Variants in IGF2BP1 observed in about 807,000 individuals in gnomAD.
IGF2BP1 encodes insulin like growth factor 2 mRNA binding protein 1.
In IGF2BP1, 11 loss-of-function variants were observed where a neutral mutation model predicts 74.9. That is an observed-to-expected ratio of 0.15 (90% CI 0.09 to 0.24). IGF2BP1 has a LOEUF of 0.24. IGF2BP1 is among the 10% of genes least tolerant of loss of function. IGF2BP1 has a pLI of 1.00. For synonymous variants in IGF2BP1, 287 were observed against 281.8 expected, an observed-to-expected ratio of 1.02 and a Z score of -0.18; for missense variants, 440 against 757.4, an observed-to-expected ratio of 0.58 and a Z score of 4.92.
chr17:49,005,291 G>A (rs1482573171), intron 2 of IGF2BP1, among the ~76,000 whole-genome samples: 2 of 152,214 alleles, frequency 1.3e-5, no homozygotes, highest in East Asian at 3.8e-4. Flanking sequence ...ACACTGAAAT[G>A]TAACTGTGTG....
chr17:49,005,439 T>A (rs1338262324), intron 2 of IGF2BP1, among the ~76,000 whole-genome samples: 1 of 152,112 alleles, frequency 6.6e-6, no homozygotes, highest in Admixed American at 6.5e-5. Flanking sequence ...AAGTTTTGAG[T>A]GGATTGTGCA....
intron 2 of IGF2BP1, among the ~76,000 whole-genome samples, chr17:49,023,527 A>T (rs915885115): frequency 6.6e-6 from 1 of 152,200 alleles, no homozygotes; most frequent in Non-Finnish European, 1.5e-5. Context: ...ACACTTTTAC[A>T]ACTAGAGCTT....
intron 2 of IGF2BP1, among the ~76,000 whole-genome samples, chr17:49,020,905 G>A (rs1222975089): frequency 1.3e-5 from 2 of 151,076 alleles, no homozygotes; most frequent in Non-Finnish European, 2.9e-5. Context: ...TGGGAGGATC[G>A]CTTGAGGACA....
chr17:49,046,681 G>A (rs1052264890), intron 14 of IGF2BP1, among the ~76,000 whole-genome samples: 2 of 149,700 alleles, frequency 1.3e-5, no homozygotes, highest in Non-Finnish European at 3.0e-5. Context: ...ATATATATAT[G>A]TTCTACGTTA....
intron 5 of IGF2BP1, among the ~76,000 whole-genome samples, chr17:49,034,751 A>AC (rs2041965714): frequency 8.3e-6 from 1 of 120,968 alleles, no homozygotes; most frequent in African/African-American, 3.9e-5. Flanking sequence ...AAAACACAAA[A>AC]AAAACAAAAA....
At chr17:49,001,024 A>G (rs2041482843) in intron 2 of IGF2BP1, among the ~76,000 whole-genome samples, 1 of 151,984 alleles carries the variant, frequency 6.6e-6, no homozygotes, top group Admixed American at 6.6e-5. Flanking sequence ...TTTAGCCCAA[A>G]CATTGAGTCA....
rs189209452 is a variant in IGF2BP1 at position 49,030,877 on chromosome 17, C to T, written c.338-1033C>T. Among the ~76,000 whole-genome samples the T allele has an allele frequency of 2.0e-5, 3 of 152,246 alleles. No homozygotes were observed. In the East Asian group the frequency reaches 5.8e-4, roughly 29 times the overall value. ...CTCCTGACCTCAGGTGATCTACCCG[C>T]CTTGGCCTCCCAAAGTGCTGGGGAT... is the stretch of plus-strand genomic sequence containing the variant. On this transcript the variant is annotated intron_variant, in intron 4 of 14. Coordinates refer to ENST00000290341, the MANE Select transcript of IGF2BP1 (RefSeq NM_006546.4).
In IGF2BP1 at chr17:49,045,092, T is replaced by C. The variant is rs1396925607; in HGVS notation, c.1395+27T>C. Reference sequence around the variant, plus strand: ...TTTTGGTCTTTATTGTTTTCCAAGCTGAACATGGAGGAATTGAGGTTGGGT... The same window carrying C: ...TTTTGGTCTTTATTGTTTTCCAAGCCGAACATGGAGGAATTGAGGTTGGGT... On this transcript the variant is annotated intron_variant, in intron 12 of 14. Transcript: ENST00000290341. 1.9e-6 allele frequency: 3 copies of C among 1,599,004 alleles called. No homozygotes were observed. The South Asian group carries it at 3.3e-5, about 18-fold the overall frequency.
chr17:49,001,592 C>A (rs549071080), intron 2 of IGF2BP1, among the ~76,000 whole-genome samples: 1 of 151,986 alleles, frequency 6.6e-6, no homozygotes, highest in African/African-American at 2.4e-5. Flanking sequence ...CTCAAGAGGC[C>A]GAACACTATG....
intron 1 of IGF2BP1, 33 bp from the exon 2 acceptor site, chr17:48,999,076 C>G: frequency 5.3e-6 from 7 of 1,309,150 alleles, no homozygotes; most frequent in Non-Finnish European, 7.7e-6. Flanking sequence ...CCTGTTCAAG[C>G]TCTCATGGTA....
At chr17:49,027,578 C>T (rs938179163) in intron 4 of IGF2BP1, among the ~76,000 whole-genome samples, 22 of 152,168 alleles carry the variant, frequency 1.4e-4, no homozygotes, top group African/African-American at 4.1e-4. Context: ...GCCAGCCGGG[C>T]GCGGTGGCTC....
intron 5 of IGF2BP1, among the ~76,000 whole-genome samples, chr17:49,033,351 A>AT (rs200039160): frequency 0.061 from 8,792 of 143,164 alleles, 505 homozygotes; most frequent in African/African-American, 0.15. Flanking sequence ...TTTTTATTTT[A>AT]TTTTTTTTGA....
Position 49,055,377 on chromosome 17 carries a change from C to G in IGF2BP1, c.*5933C>G, listed in dbSNP as rs2042215541. ...CCCCACCCTATTCCTGCCAGTGAGT[C>G]CTTCCTGTGCTTCTCTCCCTTCTCC... On this transcript the variant is annotated 3_prime_UTR_variant, in exon 15 of 15. Transcript: ENST00000290341. 2.9e-6 allele frequency: 1 copy of G among 342,352 alleles called. No individual in the cohort carries two copies. Among genetic ancestry groups the G allele is most frequent in the African/African-American group, 2.1e-5 (1 of 47,458 alleles). The allele number at this position is 342,352 out of a possible 1,614,324, so 21.2% of individuals were successfully genotyped here. A position where few individuals can be genotyped will look rare whatever the true frequency, so the allele number is the denominator to read the frequency against.
At chr17:49,033,103 C>T (rs955023510) in intron 5 of IGF2BP1, among the ~76,000 whole-genome samples, 3 of 152,104 alleles carry the variant, frequency 2.0e-5, no homozygotes, top group African/African-American at 2.4e-5. Flanking sequence ...TCAGCCACCT[C>T]GCCTGCCCTT....
intron 5 of IGF2BP1, among the ~76,000 whole-genome samples, chr17:49,035,378 GA>G (rs2041973991): frequency 6.6e-6 from 1 of 152,260 alleles, no homozygotes; most frequent in Admixed American, 6.5e-5. Context: ...CAGTTGATGA[GA>G]CTTAGGTCTA....
At position 49,042,324 on chromosome 17, in the gene IGF2BP1, G is replaced by C; in HGVS notation, c.1024G>C (p.Glu342Gln). Residue 342 changes from glutamate to glutamine, a missense_variant, in exon 9 of 15, where the codon GAA becomes CAA. Glu to Gln is a conservative substitution (Grantham distance 29). Coordinates refer to ENST00000290341, the MANE Select transcript of IGF2BP1 (RefSeq NM_006546.4). ...CGAGAATTGTTGCAGGGCCGAGCAG[G>C]AAATAATGAAGAAAGTTCGGGAGGC... ...AIENCCRAEQEIMKKVREAYE... is the reference protein window; with the variant it reads ...AIENCCRAEQQIMKKVREAYE... 6.2e-7 allele frequency: 1 copy of C among 1,614,114 alleles called. No individual in the cohort carries two copies. The highest frequency in any genetic ancestry group is 1.1e-5 in the South Asian group (1 of 91,082).
intron 6 of IGF2BP1, among the ~76,000 whole-genome samples, chr17:49,039,616 G>A (rs550149965): frequency 4.0e-5 from 6 of 151,878 alleles, no homozygotes; most frequent in Non-Finnish European, 8.8e-5. Flanking sequence ...TAGTAGAGGC[G>A]GGGTTTCACC....
intron 2 of IGF2BP1, among the ~76,000 whole-genome samples, chr17:49,024,380 C>T (rs965196986): frequency 2.0e-5 from 3 of 151,930 alleles, no homozygotes; most frequent in African/African-American, 7.3e-5. Flanking sequence ...TGCCACTGCA[C>T]TCCAGTTTGG....
chr17:49,043,658 A>T, intron 10 of IGF2BP1, 108 bp downstream of exon 10: 1 of 1,347,610 alleles, frequency 7.4e-7, no homozygotes, highest in Non-Finnish European at 1.0e-6. Context: ...TTGCAGGGAG[A>T]GGGAAGGAAG....
Sources: gnomAD v4.1 joint callset for allele counts (sites outside exome capture counted in the v4.1 genomes callset) on GRCh38, gnomAD v4.1.1 for gene constraint, MANE v1.5 for transcripts, NCBI Gene and HGNC (gene_info 2026-07-23, HGNC 2026-07-21) for gene names.